DPP6: variants seen among roughly 807,000 people sequenced by gnomAD.
The protein encoded by DPP6 is A-type potassium channel modulatory protein DPP6.
Under a neutral mutation model 122.6 loss-of-function variants are expected in DPP6, and 69 were observed. The observed-to-expected ratio is 0.56, with a 90% CI of 0.46 to 0.69. The LOEUF (loss-of-function observed/expected upper bound fraction) is 0.69, where lower values mean the gene tolerates loss of function less well. DPP6 is among the 30% of genes least tolerant of loss of function. DPP6 has a pLI of 0.00. For synonymous variants in DPP6, 418 were observed against 433.1 expected (o/e 0.97, Z 0.43); for missense variants, 928 against 1,116.9 (o/e 0.83, Z 2.41).
At chr7:154,348,828 C>T (rs1344123572) in intron 1 of DPP6, among the ~76,000 whole-genome samples, 2 of 152,202 alleles carry the variant, frequency 1.3e-5, no homozygotes, top group African/African-American at 2.4e-5. Flanking sequence ...GACATTCACC[C>T]TCTTCTCTGG....
chr7:154,696,095 C>T (rs1840200972), intron 7 of DPP6, among the ~76,000 whole-genome samples: 1 of 152,246 alleles, frequency 6.6e-6, no homozygotes, highest in Admixed American at 6.5e-5. Flanking sequence ...GGCGCTGAAC[C>T]ACCTCCACAA....
At chr7:154,803,379 G>A (rs1394431071) in intron 13 of DPP6, among the ~76,000 whole-genome samples, 5 of 152,190 alleles carry the variant, frequency 3.3e-5, no homozygotes, top group African/African-American at 1.2e-4. Flanking sequence ...TGGCAATACA[G>A]GTCCAAACTG....
chr7:153,836,027 C>T, the DPP6 span, among the ~76,000 whole-genome samples: 5 of 152,188 alleles, frequency 3.3e-5, no homozygotes, highest in African/African-American at 1.2e-4. Flanking sequence ...AAGTGCAGCC[C>T]TAATTTGTCC....
rs1474193880 is a variant in DPP6, at chr7:154,755,196, A to C, written c.884-14221A>C. Among the ~76,000 whole-genome samples the C allele has an allele frequency of 6.6e-6, 1 of 151,430 alleles. No homozygotes were observed. On this transcript the variant is annotated intron_variant, in intron 8 of 25. Coordinates refer to ENST00000377770, the MANE Select transcript of DPP6 (RefSeq NM_130797.4). The surrounding 1 kb of genome is among the most constrained non-coding windows in gnomAD (Gnocchi z 4.7). Reference sequence around the variant, plus strand: ...GAACACATGTCAGGAGCTGAATTTAAAACAATGTTTTGGTCAGTACCAGGA... The same window carrying C: ...GAACACATGTCAGGAGCTGAATTTACAACAATGTTTTGGTCAGTACCAGGA...
intron 1 of DPP6, among the ~76,000 whole-genome samples, chr7:154,361,801 A>G (rs1244165770): frequency 6.6e-6 from 1 of 152,226 alleles, no homozygotes; most frequent in East Asian, 1.9e-4. Context: ...TAGCATTATG[A>G]AGGAGGCATT....
chr7:154,382,122 C>G (rs949253275), intron 1 of DPP6, among the ~76,000 whole-genome samples: 1 of 142,058 alleles, frequency 7.0e-6, no homozygotes, highest in African/African-American at 2.6e-5. Context: ...GCATGGGGCT[C>G]AAATTTGAAG....
At chr7:153,803,156 G>T in the DPP6 span, among the ~76,000 whole-genome samples, 2 of 151,146 alleles carry the variant, frequency 1.3e-5, no homozygotes, top group Non-Finnish European at 2.9e-5. Flanking sequence ...ACACGTGGGC[G>T]TCCCAATGTT....
intron 13 of DPP6, among the ~76,000 whole-genome samples, chr7:154,802,587 G>A (rs1027062166): frequency 3.3e-5 from 5 of 152,038 alleles, no homozygotes; most frequent in Non-Finnish European, 7.4e-5. Context: ...GGCCAGGTGC[G>A]GTGGCTCACG....
At chr7:154,266,630 T>C (rs10236456) in intron 1 of DPP6, among the ~76,000 whole-genome samples, 6,410 of 152,256 alleles carry the variant, frequency 0.042, 429 homozygotes, top group African/African-American at 0.14. Flanking sequence ...TGGCCAGAGA[T>C]GTTTTTGACT....
Position 154,537,115 on chromosome 7 carries a change from G to A in DPP6, c.458-3417G>A, listed in dbSNP as rs530955106. ...TATCAAAATATTTTATATATAAAAC[G>A]AAAACCACAACTAAGAAAATGCACT... On this transcript the variant is annotated intron_variant, in intron 3 of 25. Transcript: ENST00000377770. Among the ~76,000 whole-genome samples the A allele has an allele frequency of 7.8e-4, 119 of 151,838 alleles. 1 individual carries two copies. Among genetic ancestry groups the A allele is most frequent in the African/African-American group, 2.7e-3 (113 of 41,450 alleles).
chr7:154,202,583 C>T (rs1004518252), intron 1 of DPP6, among the ~76,000 whole-genome samples: 9 of 152,150 alleles, frequency 5.9e-5, no homozygotes, highest in African/African-American at 1.7e-4. Context: ...TGCCCCTTTC[C>T]GAGCAGCTTC....
intron 23 of DPP6, 119 bp from the exon 24 acceptor site, chr7:154,889,153 C>G: frequency 6.9e-7 from 1 of 1,442,826 alleles, no homozygotes; most frequent in East Asian, 2.5e-5. Flanking sequence ...TCCCGGTTCT[C>G]CGGGAACTTA....
chr7:154,058,114 G>C (rs1801036407), intron 1 of DPP6: 1 of 111,022 alleles, frequency 9.0e-6, no homozygotes, highest in Admixed American at 9.7e-5. Flanking sequence ...CGGGGACTCA[G>C]AGCCAACCCC....
chr7:154,717,017 G>C (rs1287755678), intron 7 of DPP6, among the ~76,000 whole-genome samples: 1 of 152,104 alleles, frequency 6.6e-6, no homozygotes, highest in Admixed American at 6.6e-5. Context: ...ATTTTTAGTA[G>C]AGACAGAGTT....
Position 154,475,069 on chromosome 7 carries a change from G to A in DPP6, c.457+32G>A, listed in dbSNP as rs3750042. On this transcript the variant is annotated intron_variant, in intron 3 of 25. Transcript: ENST00000377770. ...CCAGGTCCTTCGTGCACAAGACATC[G>A]CTTCCCCATGCCTCACCCCCACTTT... 0.31 allele frequency: 466,096 copies of A among 1,516,994 alleles called. 73,595 individuals carry two copies. The highest frequency in any genetic ancestry group is 0.4 in the Middle Eastern group (2,379 of 5,876). The allele number at this position is 1,516,994 out of a possible 1,614,324, so 94.0% of individuals were successfully genotyped here.
At chr7:154,311,370 C>G (rs1806865206) in intron 1 of DPP6, among the ~76,000 whole-genome samples, 1 of 151,996 alleles carries the variant, frequency 6.6e-6, no homozygotes, top group Non-Finnish European at 1.5e-5. Context: ...GTGGCGCATG[C>G]CTGTTGTCCC....
At chr7:153,914,688 T>C (rs1800230977) in intron 1 of DPP6, among the ~76,000 whole-genome samples, 5 of 152,242 alleles carry the variant, frequency 3.3e-5, no homozygotes, top group Admixed American at 2.6e-4. Context: ...GTGGATCTTC[T>C]TGGAAAAGTA....
chr7:153,888,374 C>T (rs1340145449), intron 1 of DPP6, among the ~76,000 whole-genome samples: 1 of 152,232 alleles, frequency 6.6e-6, no homozygotes, highest in Non-Finnish European at 1.5e-5. Context: ...GCGGCTGGTC[C>T]GCGGAAGGCT....
At chr7:154,314,865 A>G (rs1585911028) in intron 1 of DPP6, among the ~76,000 whole-genome samples, 1 of 152,242 alleles carries the variant, frequency 6.6e-6, no homozygotes, top group Admixed American at 6.5e-5. Context: ...AAGGAATTAG[A>G]TAATATGAAT....
Sources: gnomAD v4.1 joint callset for allele counts (sites outside exome capture counted in the v4.1 genomes callset) on GRCh38, gnomAD v4.1.1 for gene constraint, Gnocchi (gnomAD v3.1) non-coding constraint, MANE v1.5 for transcripts, NCBI Gene and HGNC (gene_info 2026-07-23, HGNC 2026-07-21) for gene names.